DENND4C: variants seen among roughly 807,000 people sequenced by gnomAD.
DENND4C encodes DENN domain-containing protein 4C.
In DENND4C, 108 loss-of-function variants were observed where a neutral mutation model predicts 203.0. That is an observed-to-expected ratio of 0.53 (90% CI 0.46 to 0.62). DENND4C has a LOEUF of 0.62. DENND4C is among the 20% of genes least tolerant of loss of function. The pLI is 0.00. For missense variants in DENND4C, 2,481 were observed against 2,301.2 expected (o/e 1.08, Z -1.60); for synonymous variants, 871 against 792.4 (o/e 1.10, Z -1.67).
chr9:19,321,805 C>T (rs1563801558), intron 12 of DENND4C, among the ~76,000 whole-genome samples: 1 of 144,706 alleles, frequency 6.9e-6, no homozygotes, highest in East Asian at 2.0e-4. Context: ...GAACGCCAGC[C>T]TGGGTAATAG....
At chr9:19,265,082 T>TA (rs1178491512) in intron 1 of DENND4C, among the ~76,000 whole-genome samples, 1 of 152,112 alleles carries the variant, frequency 6.6e-6, no homozygotes. Context: ...GTGGCACAAT[T>TA]ACAGCCACTG....
intron 1 of DENND4C, among the ~76,000 whole-genome samples, chr9:19,250,355 A>G (rs1289618595): frequency 6.6e-6 from 1 of 152,014 alleles, no homozygotes; most frequent in Non-Finnish European, 1.5e-5. Context: ...GAGACAGGAG[A>G]ATTGCTTGAA....
Position 19,332,026 on chromosome 9 carries a change from C to T in DENND4C, c.2302C>T (p.Pro768Ser), listed in dbSNP as rs181354867. The change falls in exon 17 of 33, where the codon CCA becomes TCA. Residue 768 changes from proline (P) to serine (S), a missense_variant. Pro to Ser is a moderately conservative substitution (Grantham distance 74, BLOSUM62 -1). Transcript: ENST00000434457. Reference protein sequence around the residue: ...KLAKRCYTNPPQWAKCLFSHC... With the variant: ...KLAKRCYTNPSQWAKCLFSHC... The stretch of plus-strand genomic sequence containing the variant: ...GGCGAAGAGATGTTATACAAATCCA[C>T]CACAGTGGGCCAAGTGTCTGTTTAG... 105 of 1,614,048 alleles carry T rather than the reference C, an allele frequency of 6.5e-5. 1 individual carries two copies. In the East Asian group the frequency reaches 2.1e-3, roughly 33 times the overall value.
chr9:19,300,915 T>TA (rs1808152151), intron 9 of DENND4C, among the ~76,000 whole-genome samples: 2 of 152,094 alleles, frequency 1.3e-5, no homozygotes. Context: ...CATGGTGGCT[T>TA]ACACCTGTAA....
chr9:19,334,310 C>T (rs956102219), intron 17 of DENND4C, among the ~76,000 whole-genome samples: 2 of 152,036 alleles, frequency 1.3e-5, no homozygotes, highest in African/African-American at 2.4e-5. Context: ...CTGGGCCTCC[C>T]AAAATTCTGG....
chr9:19,234,832 T>G (rs4977291), intron 1 of DENND4C, among the ~76,000 whole-genome samples: 132,859 of 151,898 alleles, frequency 0.87, 58,148 homozygotes, highest in Admixed American at 0.91. Flanking sequence ...GTGAGCCACT[T>G]TGTCTGACCC....
intron 1 of DENND4C, among the ~76,000 whole-genome samples, chr9:19,248,214 TCTC>T (rs1355189184): frequency 6.6e-6 from 1 of 152,172 alleles, no homozygotes; most frequent in Non-Finnish European, 1.5e-5. Context: ...ACTGACCTCA[TCTC>T]CTACTACTCT....
intron 1 of DENND4C, among the ~76,000 whole-genome samples, chr9:19,239,363 CTA>C (rs777879158): frequency 4.6e-5 from 7 of 151,910 alleles, no homozygotes; most frequent in Admixed American, 1.3e-4. Context: ...ATTTAGGAGA[CTA>C]TTATTTAATT....
At chr9:19,272,806 C>CGAGA (rs1385440555) in intron 1 of DENND4C, among the ~76,000 whole-genome samples, 2 of 152,002 alleles carry the variant, frequency 1.3e-5, no homozygotes, top group Non-Finnish European at 2.9e-5. Context: ...CTTGCTCTCT[C>CGAGA]GCCCAGGTTG....
chr9:19,243,615 T>A (rs186843669), intron 1 of DENND4C, among the ~76,000 whole-genome samples: 43 of 152,312 alleles, frequency 2.8e-4, no homozygotes, highest in African/African-American at 1.0e-3. Flanking sequence ...TTAGGCAATG[T>A]GTGACCTTTT....
chr9:19,246,435 A>G (rs1412098736), intron 1 of DENND4C, among the ~76,000 whole-genome samples: 1 of 152,076 alleles, frequency 6.6e-6, no homozygotes, highest in Non-Finnish European at 1.5e-5. Context: ...TTTTTAGAAA[A>G]TTATTATTAT....
chr9:19,281,645 C>T (rs982813579), intron 2 of DENND4C, among the ~76,000 whole-genome samples: 1 of 151,888 alleles, frequency 6.6e-6, no homozygotes, highest in African/African-American at 2.4e-5. Context: ...ATAGAAATAC[C>T]GTATATACTA....
intron 13 of DENND4C, 30 bp downstream of exon 13, chr9:19,324,537 G>GA: frequency 7.0e-6 from 11 of 1,582,110 alleles, no homozygotes; most frequent in South Asian, 2.4e-5. Context: ...CTAGTGTTTA[G>GA]AAAAAAAAGT....
intron 12 of DENND4C, among the ~76,000 whole-genome samples, chr9:19,322,537 G>A (rs562265264): frequency 3.3e-5 from 5 of 151,946 alleles, no homozygotes; most frequent in East Asian, 1.9e-4. Flanking sequence ...CGAGGTGGGC[G>A]GATCACGAGG....
At chr9:19,261,265 T>C (rs1829284639) in intron 1 of DENND4C, among the ~76,000 whole-genome samples, 1 of 152,126 alleles carries the variant, frequency 6.6e-6, no homozygotes, top group Admixed American at 6.6e-5. Context: ...CTACTATAGC[T>C]CTAGTATAAT....
At chr9:19,315,521 A>ATGTATATATGTATGTGTATATATATACG (rs1563794500) in intron 10 of DENND4C, among the ~76,000 whole-genome samples, 11 of 150,974 alleles carry the variant, frequency 7.3e-5, no homozygotes, top group Non-Finnish European at 1.3e-4. Flanking sequence ...ATGTATATAC[A>ATGTATATATGTATGTGTATATATATACG]TGTATATATG....
chr9:19,357,114 C>G lies in DENND4C; in HGVS notation c.4924C>G (p.Gln1642Glu). ...INFMDFPKHN[Q>E]IITEETGSAV... ...CTTTATGGACTTCCCAAAACATAACCAGATCATAACTGAAGAAACAGGCTC... is the reference window on the plus strand; with the variant it reads ...CTTTATGGACTTCCCAAAACATAACGAGATCATAACTGAAGAAACAGGCTC... Residue 1642 changes from glutamine to glutamate, a missense_variant, in exon 27 of 33, where the codon CAG becomes GAG. Transcript: ENST00000434457. The G allele has an allele frequency of 6.2e-7, 1 of 1,613,826 alleles. No individual in the cohort carries two copies. Among genetic ancestry groups the G allele is most frequent in the Non-Finnish European group, 8.5e-7 (1 of 1,179,848 alleles).
At position 19,261,297 on chromosome 9, in the gene DENND4C, C is replaced by T. The variant is rs116375076; in HGVS notation, c.-17-14861C>T. On this transcript the variant is annotated intron_variant, in intron 1 of 32. Coordinates refer to ENST00000434457, the MANE Select transcript of DENND4C (RefSeq NM_001330640.2). ...TAATTTGAAGTCAGATAATGTGATT[C>T]TTCCAGTTTTGTTTTTGCTCAGAAT... Among the ~76,000 whole-genome samples the T allele has an allele frequency of 8.0e-3, 1,202 of 151,174 alleles. 20 individuals are homozygous for T. Among genetic ancestry groups the T allele is most frequent in the African/African-American group, 0.029 (1,164 of 40,752 alleles).
At chr9:19,250,429 G>A (rs527700522) in intron 1 of DENND4C, among the ~76,000 whole-genome samples, 20 of 152,162 alleles carry the variant, frequency 1.3e-4, no homozygotes, top group South Asian at 4.1e-4. Context: ...GTTTCGCCAC[G>A]TTGACCAGGC....
Sources: gnomAD v4.1 joint callset for allele counts (sites outside exome capture counted in the v4.1 genomes callset) on GRCh38, gnomAD v4.1.1 for gene constraint, MANE v1.5 for transcripts, NCBI Gene and HGNC (gene_info 2026-07-23, HGNC 2026-07-21) for gene names.